The following DMD variants were observed in gnomAD, a reference collection of about 807,000 sequenced individuals.
DMD encodes dystrophin.
A neutral mutation model predicts 330.1 loss-of-function variants in DMD; 63 were observed. The ratio of observed to expected loss-of-function variants is 0.19; its 90% CI spans 0.16 to 0.24. DMD has a LOEUF of 0.24. Among genes scored for constraint, DMD ranks in the 10% least tolerant of loss-of-function variants. The probability of loss-of-function intolerance (pLI) is 1.00; values close to 1 mark genes in which losing one functional copy is unlikely to be tolerated. For missense variants in DMD, 3,344 were observed against 2,684.1 expected (o/e 1.25, Z -5.43); for synonymous variants, 1,223 against 959.8 (o/e 1.27, Z -5.07).
At chrX:33,227,194 C>T (rs756565033) in intron 1 of DMD, among the ~76,000 whole-genome samples, 1 of 111,083 alleles carries the variant, frequency 9.0e-6, no homozygotes, top group African/African-American at 3.3e-5. Context: ...GTTATTACTA[C>T]ACAAGAAAGA....
chrX:32,808,090 G>C (rs1422418045), intron 7 of DMD, among the ~76,000 whole-genome samples: 1 of 111,585 alleles, frequency 9.0e-6, no homozygotes, highest in Non-Finnish European at 1.9e-5. Flanking sequence ...TGTACTACGA[G>C]TCAATAGTAA....
intron 1 of DMD, among the ~76,000 whole-genome samples, chrX:33,304,042 A>C (rs899797505): frequency 4.5e-5 from 5 of 111,159 alleles, no homozygotes; most frequent in Non-Finnish European, 9.4e-5. Flanking sequence ...TTCCTTTCAA[A>C]TTTATTAATG....
At chrX:32,178,971 T>TCTCC (rs1385641881) in intron 44 of DMD, among the ~76,000 whole-genome samples, 6,901 of 103,475 alleles carry the variant, frequency 0.067, 312 homozygotes, top group African/African-American at 0.14. Flanking sequence ...TCTCTCTCTC[T>TCTCC]CTCTCTCTCT....
intron 60 of DMD, among the ~76,000 whole-genome samples, chrX:31,435,960 G>A (rs2064490886): frequency 9.0e-6 from 1 of 111,546 alleles, no homozygotes. Flanking sequence ...GGAGACAAGG[G>A]CAAATGTCAG....
chrX:31,517,370 A>T (rs1017950801), intron 55 of DMD, among the ~76,000 whole-genome samples: 3 of 111,504 alleles, frequency 2.7e-5, no homozygotes, highest in Admixed American at 9.6e-5. Flanking sequence ...GCCGTTCAAA[A>T]GAAAACGAAT....
chrX:31,380,368 C>T (rs145982815), intron 60 of DMD, among the ~76,000 whole-genome samples: 106 of 109,830 alleles, frequency 9.7e-4, no homozygotes, highest in East Asian at 4.6e-3. Context: ...TCACATCTCC[C>T]CTTGTATCTC....
intron 44 of DMD, among the ~76,000 whole-genome samples, chrX:31,988,342 C>T (rs1223679869): frequency 4.7e-5 from 5 of 106,642 alleles, no homozygotes; most frequent in Non-Finnish European, 7.7e-5. Context: ...GACGTGGTGG[C>T]GGCCGCCTGT....
intron 1 of DMD, among the ~76,000 whole-genome samples, chrX:33,150,873 T>C (rs919820301): frequency 9.0e-6 from 1 of 111,602 alleles, no homozygotes; most frequent in Non-Finnish European, 1.9e-5. Context: ...ATTACTGTCC[T>C]GATTGTGGGA....
At chrX:32,961,732 A>G (rs987735508) in intron 2 of DMD, among the ~76,000 whole-genome samples, 1 of 111,568 alleles carries the variant, frequency 9.0e-6, no homozygotes, top group African/African-American at 3.3e-5. Context: ...TTGAAGGTAC[A>G]GTTTTACTGC....
intron 59 of DMD, among the ~76,000 whole-genome samples, chrX:31,474,718 A>AT (rs1422415241): frequency 2.2e-5 from 2 of 89,926 alleles, no homozygotes; most frequent in South Asian, 4.8e-4. Flanking sequence ...AAAAAAAAAT[A>AT]AAATAAAATA....
At chrX:32,617,227 A>G (rs954402947) in intron 11 of DMD, among the ~76,000 whole-genome samples, 11 of 111,235 alleles carry the variant, frequency 9.9e-5, no homozygotes, top group Admixed American at 9.6e-4. Flanking sequence ...AATAAAAAAA[A>G]CAGAAGATAC....
At chrX:31,247,725 C>T (rs1422476151) in intron 63 of DMD, among the ~76,000 whole-genome samples, 2 of 111,430 alleles carry the variant, frequency 1.8e-5, no homozygotes, top group African/African-American at 6.5e-5. Flanking sequence ...TTCCAACCCT[C>T]ATGGATGACT....
rs1340186052 is a variant in DMD at position 32,561,930 on chromosome X, CCAGA to C, written c.1992+3768_1992+3771del. On this transcript the variant is annotated intron_variant, in intron 16 of 78. Transcript: ENST00000357033. ...GAATTTCCAAGGCAGAATTTCATAT[CCAGA>C]CAAAGTAAGCTTCATAAGTGAAGGA... is the stretch of plus-strand genomic sequence containing the variant. 2.7e-5 allele frequency among the ~76,000 whole-genome samples: 3 copies of C among 111,447 alleles called. No individual in the cohort carries two copies. In the Admixed American group the frequency reaches 2.9e-4, roughly 11 times the overall value.
intron 47 of DMD, among the ~76,000 whole-genome samples, chrX:31,927,548 T>G (rs1485333940): frequency 8.9e-6 from 1 of 111,908 alleles, no homozygotes; most frequent in East Asian, 2.8e-4. Flanking sequence ...AGCTATAAAA[T>G]TTAATTGCTG....
At chrX:33,284,397 A>T (rs1429358935) in intron 1 of DMD, among the ~76,000 whole-genome samples, 1 of 111,281 alleles carries the variant, frequency 9.0e-6, no homozygotes, top group Non-Finnish European at 1.9e-5. Context: ...AAATTTATTA[A>T]TTTTTGGAAC....
intron 69 of DMD, among the ~76,000 whole-genome samples, chrX:31,179,795 G>A (rs1328733783): frequency 1.8e-5 from 2 of 111,970 alleles, no homozygotes; most frequent in East Asian, 5.6e-4. Context: ...AGAACCTTGA[G>A]TAAATTATTT....
intron 1 of DMD, among the ~76,000 whole-genome samples, chrX:33,314,878 G>T (rs1027456479): frequency 2.7e-5 from 3 of 110,628 alleles, no homozygotes; most frequent in African/African-American, 9.9e-5. Flanking sequence ...GAGTGCAATG[G>T]CGTGATCTTG....
At chrX:31,831,788 G>A (rs140500855) in intron 49 of DMD, among the ~76,000 whole-genome samples, 1 of 111,499 alleles carries the variant, frequency 9.0e-6, no homozygotes, top group Non-Finnish European at 1.9e-5. Context: ...ATTTTTAGTA[G>A]AGATGGGGTT....
intron 63 of DMD, among the ~76,000 whole-genome samples, chrX:31,257,657 T>C (rs1436167386): frequency 8.9e-6 from 1 of 112,415 alleles, no homozygotes; most frequent in African/African-American, 3.2e-5. Context: ...CTCAAGGATG[T>C]AGGCAGGCTG....
Sources: allele counts gnomAD v4.1 joint callset (sites outside exome capture counted in the v4.1 genomes callset), GRCh38; gene constraint gnomAD v4.1.1; transcripts MANE v1.5; gene names NCBI Gene and HGNC (gene_info 2026-07-23, HGNC 2026-07-21).